Variants in TENM3 observed in about 807,000 individuals in gnomAD.
The protein encoded by TENM3 is teneurin transmembrane protein 3, also known as teneurin-3.
TENM3 carries 63 observed loss-of-function variants against 255.1 expected under a neutral mutation model. The ratio of observed to expected loss-of-function variants is 0.25; its 90% CI spans 0.20 to 0.30. The LOEUF (loss-of-function observed/expected upper bound fraction) is 0.30, where lower values mean the gene tolerates loss of function less well. TENM3 is among the 10% of genes least tolerant of loss of function. The pLI is 1.00. For synonymous variants in TENM3, 1,306 were observed against 1,322.3 expected, an observed-to-expected ratio of 0.99 and a Z score of 0.27; for missense variants, 2,929 against 3,461.1, an observed-to-expected ratio of 0.85 and a Z score of 3.86.
intron 1 of TENM3, among the ~76,000 whole-genome samples, chr4:182,245,570 C>T (rs113023047): frequency 9.2e-5 from 14 of 152,170 alleles, no homozygotes; most frequent in African/African-American, 3.1e-4. Flanking sequence ...TGTTTAGCAA[C>T]TGTGGTCTGT....
the TENM3 span, among the ~76,000 whole-genome samples, chr4:181,949,988 C>T: frequency 6.6e-6 from 1 of 152,190 alleles, no homozygotes. Flanking sequence ...TTTCTCAGGT[C>T]TCTGAGCCTA....
chr4:182,646,785 T>C (rs2152502632), intron 5 of TENM3, among the ~76,000 whole-genome samples: 1 of 151,980 alleles, frequency 6.6e-6, no homozygotes, highest in South Asian at 2.1e-4. Context: ...TAAAAAGAGA[T>C]ACCCATAACC....
Position 182,623,898 on chromosome 4 carries a change from G to A in TENM3, c.750-4753G>A, listed in dbSNP as rs139504811. On this transcript the variant is annotated intron_variant, in intron 4 of 27. Coordinates refer to ENST00000511685, the MANE Select transcript of TENM3 (RefSeq NM_001080477.4). ...CTTTGCTTCTCTTGCAGCCATAGAA[G>A]TAATTCCGCTTCTTAGAAATTATGC... Among the ~76,000 whole-genome samples, 14 of 152,310 alleles carry A rather than the reference G, an allele frequency of 9.2e-5. No individual in the cohort carries two copies. The East Asian group carries it at 2.7e-3, about 29-fold the overall frequency.
chr4:182,215,541 A>G (rs1755401417), intron 1 of TENM3, among the ~76,000 whole-genome samples: 1 of 152,182 alleles, frequency 6.6e-6, no homozygotes, highest in South Asian at 2.1e-4. Flanking sequence ...GTACTGAAAA[A>G]ATCCTCTTAC....
chr4:182,631,989 T>A (rs1254247364), intron 5 of TENM3, among the ~76,000 whole-genome samples: 1 of 152,108 alleles, frequency 6.6e-6, no homozygotes, highest in Non-Finnish European at 1.5e-5. Flanking sequence ...TTTTTTCTAT[T>A]TCTTCAAAAT....
intron 3 of TENM3, among the ~76,000 whole-genome samples, chr4:182,407,448 G>A (rs1199193182): frequency 6.6e-6 from 1 of 152,050 alleles, no homozygotes; most frequent in Non-Finnish European, 1.5e-5. Flanking sequence ...ATAAAGAAAT[G>A]GCTAGTAGTA....
the TENM3 span, among the ~76,000 whole-genome samples, chr4:181,569,683 T>G: frequency 5.2e-4 from 79 of 152,328 alleles, no homozygotes; most frequent in African/African-American, 1.6e-3. Context: ...GGTGTGTGAT[T>G]TAGCCAGCCA....
chr4:182,501,284 G>A (rs181319711), intron 3 of TENM3, among the ~76,000 whole-genome samples: 7 of 150,084 alleles, frequency 4.7e-5, no homozygotes, highest in Non-Finnish European at 7.4e-5. Flanking sequence ...CCATAAACAG[G>A]CAATAAGAAA....
intron 3 of TENM3, among the ~76,000 whole-genome samples, chr4:182,513,027 T>C (rs938854151): frequency 1.3e-5 from 2 of 152,208 alleles, no homozygotes; most frequent in Non-Finnish European, 2.9e-5. Context: ...GCCATAAATA[T>C]ATATATTCTT....
intron 3 of TENM3, among the ~76,000 whole-genome samples, chr4:182,552,373 C>T (rs184004978): frequency 1.3e-5 from 2 of 152,338 alleles, no homozygotes; most frequent in African/African-American, 2.4e-5. Context: ...TCTTCATTTA[C>T]TGAACATCTC....
intron 16 of TENM3, among the ~76,000 whole-genome samples, chr4:182,731,521 AAAAC>A (rs1195906006): frequency 6.6e-6 from 1 of 152,032 alleles, no homozygotes; most frequent in East Asian, 1.9e-4. Flanking sequence ...AAAAAAGACA[AAAAC>A]AAAACCAAAA....
At position 182,792,922 on chromosome 4, in the gene TENM3, C is replaced by T. The variant is rs764619306; in HGVS notation, c.6250C>T (p.His2084Tyr). Residue 2084 changes from histidine (H) to tyrosine (Y), a missense_variant, in exon 26 of 28, where the codon CAT becomes TAT. His to Tyr is a moderately conservative substitution (Grantham distance 83). This residue lies in a region of TENM3 where 256 missense variants were observed against 389.3 expected (regional missense o/e 0.66). Transcript: ENST00000511685. The surrounding 1 kb of genome is among the most constrained non-coding windows in gnomAD (Gnocchi z 6.3). ...VMTYTKHFDA[H>Y]GRIKEIQYEI... ...GACCTATACGAAGCACTTTGATGCT[C>T]ATGGCCGTATCAAGGAGATTCAATA... 36 of 1,613,684 alleles carry T rather than the reference C, an allele frequency of 2.2e-5. No individual in the cohort carries two copies. Among genetic ancestry groups the T allele is most frequent in the Non-Finnish European group, 3.0e-5 (35 of 1,179,788 alleles).
intron 1 of TENM3, among the ~76,000 whole-genome samples, chr4:182,289,468 T>C (rs1414816244): frequency 1.3e-5 from 2 of 152,212 alleles, no homozygotes; most frequent in Non-Finnish European, 1.5e-5. Context: ...CAGGGACACA[T>C]GTATACTTGT....
chr4:182,213,038 G>A (rs761583052), intron 1 of TENM3, among the ~76,000 whole-genome samples: 4 of 152,130 alleles, frequency 2.6e-5, no homozygotes, highest in African/African-American at 9.7e-5. Context: ...CATTCCACTG[G>A]AGGATTTACA....
chr4:181,630,913 A>G, the TENM3 span, among the ~76,000 whole-genome samples: 2 of 152,142 alleles, frequency 1.3e-5, no homozygotes, highest in Non-Finnish European at 2.9e-5. Context: ...CTATTGCTGC[A>G]TAACAAAATT....
the TENM3 span, among the ~76,000 whole-genome samples, chr4:182,102,581 T>A: frequency 6.6e-6 from 1 of 152,208 alleles, no homozygotes; most frequent in Non-Finnish European, 1.5e-5. Flanking sequence ...CTCCTGGAAT[T>A]GTGCTAAAAT....
intron 22 of TENM3, among the ~76,000 whole-genome samples, chr4:182,770,922 C>A: frequency 6.6e-6 from 1 of 152,322 alleles, no homozygotes; most frequent in East Asian, 1.9e-4. Context: ...TTCAGCTACT[C>A]CTTAGAAGGC....
chr4:181,544,205 A>AATGAT, the TENM3 span, among the ~76,000 whole-genome samples: 5 of 152,020 alleles, frequency 3.3e-5, no homozygotes, highest in East Asian at 9.7e-4. Context: ...TCAAGGTAAA[A>AATGAT]ATGATATAGG....
chr4:181,653,625 T>C, the TENM3 span, among the ~76,000 whole-genome samples: 1 of 151,888 alleles, frequency 6.6e-6, no homozygotes, highest in Non-Finnish European at 1.5e-5. Context: ...GCTCTTGATC[T>C]CTTGACCTCG....
Sources: allele counts gnomAD v4.1 joint callset (sites outside exome capture counted in the v4.1 genomes callset), GRCh38; gene constraint gnomAD v4.1.1; regional missense constraint gnomAD v4.1.1; non-coding constraint Gnocchi (gnomAD v3.1); transcripts MANE v1.5; gene names NCBI Gene and HGNC (gene_info 2026-07-23, HGNC 2026-07-21).